The following TAF1A variants were observed in gnomAD, a reference collection of about 807,000 sequenced individuals.
The protein encoded by TAF1A is TATA box-binding protein-associated factor RNA polymerase I subunit A.
Under a neutral mutation model 61.6 loss-of-function variants are expected in TAF1A, and 42 were observed. That is an observed-to-expected ratio of 0.68 (90% CI 0.53 to 0.88). The LOEUF (loss-of-function observed/expected upper bound fraction) is 0.88. TAF1A is among the 40% of genes least tolerant of loss of function. TAF1A has a pLI of 0.00. For missense variants in TAF1A, 424 were observed against 518.7 expected (o/e 0.82, Z 1.77); for synonymous variants, 179 against 177.7 (o/e 1.01, Z -0.06).
rs759223232 is a variant in TAF1A, at chr1:222,577,432, T to C, written c.604+13A>G. 4 of 1,611,732 alleles carry C rather than the reference T, an allele frequency of 2.5e-6. No homozygotes were observed. In the Admixed American group the frequency reaches 5.0e-5, roughly 20 times the overall value. On this transcript the variant is annotated intron_variant, in intron 5 of 10. Coordinates refer to ENST00000352967, the MANE Select transcript of TAF1A (RefSeq NM_005681.4). ...GTCTCATCATAAGAAAAAGTTTACC[T>C]GTATTCACTTACCAAGCTTTGACAA...
At chr1:222,561,332 G>A (rs1302287567) in intron 10 of TAF1A, 32 bp downstream of exon 10, 4 of 1,581,046 alleles carry the variant, frequency 2.5e-6, no homozygotes, top group South Asian at 1.2e-5. Flanking sequence ...AGCCAAAGCT[G>A]TGTCTAGATA....
At chr1:222,568,014 T>TTGTATATGAAC (rs1465549652) in intron 7 of TAF1A, among the ~76,000 whole-genome samples, 1 of 151,898 alleles carries the variant, frequency 6.6e-6, no homozygotes, top group African/African-American at 2.4e-5. Context: ...AGCCTACTGG[T>TTGTATATGAAC]TTTCAACAAA....
At position 222,561,244 on chromosome 1, in the gene TAF1A, T is replaced by G. The variant is rs78695942; in HGVS notation, c.1240+120A>C. ...GATTCACTCTTCCATTGAGCAGTTATGTCTTAAGCACCTAATATTTTTAGG... is the reference window on the plus strand; with the variant it reads ...GATTCACTCTTCCATTGAGCAGTTAGGTCTTAAGCACCTAATATTTTTAGG... On this transcript the variant is annotated intron_variant, in intron 10 of 10. Coordinates refer to ENST00000352967, the MANE Select transcript of TAF1A (RefSeq NM_005681.4). 854 of 964,798 alleles carry G rather than the reference T, an allele frequency of 8.9e-4. 5 individuals carry two copies. In the African/African-American group the frequency reaches 0.013, roughly 15 times the overall value. The allele number at this position is 964,798 out of a possible 1,614,324, so 59.8% of individuals were successfully genotyped here. A position where few individuals can be genotyped will look rare whatever the true frequency, so the allele number is the denominator to read the frequency against.
downstream of TAF1A, among the ~76,000 whole-genome samples, chr1:222,555,954 T>C (rs145753702): frequency 0.01 from 1,594 of 152,290 alleles, 11 homozygotes; most frequent in Admixed American, 0.019. Context: ...CAAGCAGTCC[T>C]GTCAGACTGT....
intron 5 of TAF1A, among the ~76,000 whole-genome samples, chr1:222,574,136 AG>A (rs1660473316): frequency 6.6e-6 from 1 of 152,168 alleles, no homozygotes; most frequent in South Asian, 2.1e-4. Context: ...GGGAGAGCAC[AG>A]GGTTTCTTTT....
chr1:222,577,736 A>T, intron 4 of TAF1A, 93 bp from the exon 5 acceptor site: 1 of 1,132,950 alleles, frequency 8.8e-7, no homozygotes, highest in Middle Eastern at 2.0e-4. Flanking sequence ...CTGGGCAAAG[A>T]CCTTGGTAGG....
intron 7 of TAF1A, among the ~76,000 whole-genome samples, chr1:222,565,798 G>T (rs143776167): frequency 1.3e-5 from 2 of 152,172 alleles, no homozygotes; most frequent in African/African-American, 4.8e-5. Context: ...GGAGGTGGAG[G>T]CTACAGGGAG....
intron 7 of TAF1A, 27 bp from the exon 8 acceptor site, chr1:222,564,152 T>G: frequency 7.2e-7 from 1 of 1,394,438 alleles, no homozygotes; most frequent in South Asian, 1.3e-5. Context: ...TCTTGTAATC[T>G]TTACATACTT....
intron 8 of TAF1A, 67 bp from the exon 9 acceptor site, chr1:222,563,363 T>A (rs1164663201): frequency 6.6e-6 from 10 of 1,508,494 alleles, no homozygotes; most frequent in Non-Finnish European, 8.1e-6. Flanking sequence ...AATTTACATG[T>A]ATACATTTTA....
chr1:222,589,674 C>T (rs1175879654), intron 1 of TAF1A, 53 bp downstream of exon 1: 1 of 174,984 alleles, frequency 5.7e-6, no homozygotes, highest in Non-Finnish European at 1.2e-5. Flanking sequence ...CTGACACACC[C>T]CTTCCCGTTC....
At chr1:222,555,716 T>A (rs934425099), downstream of TAF1A, among the ~76,000 whole-genome samples, 1 of 152,178 alleles carries the variant, frequency 6.6e-6, no homozygotes, top group Non-Finnish European at 1.5e-5. Flanking sequence ...TCATCACACA[T>A]ACATACACAA....
chr1:222,565,806 G>A (rs1459495763), intron 7 of TAF1A, among the ~76,000 whole-genome samples: 1 of 152,166 alleles, frequency 6.6e-6, no homozygotes, highest in Non-Finnish European at 1.5e-5. Flanking sequence ...AGGCTACAGG[G>A]AGCCTCACGT....
At chr1:222,555,393 AG>A (rs1659713842), downstream of TAF1A, among the ~76,000 whole-genome samples, 1 of 152,250 alleles carries the variant, frequency 6.6e-6, no homozygotes, top group Non-Finnish European at 1.5e-5. Flanking sequence ...GCCTTATAAA[AG>A]GAAGAAATCC....
At chr1:222,566,293 C>A (rs1660115310) in intron 7 of TAF1A, among the ~76,000 whole-genome samples, 1 of 152,156 alleles carries the variant, frequency 6.6e-6, no homozygotes, top group South Asian at 2.1e-4. Flanking sequence ...TTCACACCCA[C>A]TAGGATAGCG....
At position 222,559,985 on chromosome 1, in the gene TAF1A, G is replaced by A. The variant is rs555863693; in HGVS notation, c.1241-1213C>T. 1.6e-4 allele frequency among the ~76,000 whole-genome samples: 24 copies of A among 152,128 alleles called. No individual in the cohort carries two copies. In the East Asian group the frequency reaches 4.4e-3, roughly 28 times the overall value. Reference sequence around the variant, plus strand: ...AGAATTTCGTTCCCACCCTAACATAGAGAAAAAGCTTAATAAACTAACTCT... The same window carrying A: ...AGAATTTCGTTCCCACCCTAACATAAAGAAAAAGCTTAATAAACTAACTCT... On this transcript the variant is annotated intron_variant, in intron 10 of 10. Coordinates refer to ENST00000352967, the MANE Select transcript of TAF1A (RefSeq NM_005681.4).
At chr1:222,579,718 A>T in intron 4 of TAF1A, 41 bp downstream of exon 4, 1 of 1,579,504 alleles carries the variant, frequency 6.3e-7, no homozygotes, top group Non-Finnish European at 8.5e-7. Context: ...GAAAAAAAAA[A>T]GAATACTGCA....
rs745732212 is a variant in TAF1A, at chr1:222,579,758, C to T, written c.405+1G>A. ...TAAATTCACAAAGCCCATATTCTCACCTTTAAATAATTCATGACGCCAATA... is the reference window on the plus strand; with the variant it reads ...TAAATTCACAAAGCCCATATTCTCATCTTTAAATAATTCATGACGCCAATA... On this transcript the variant is annotated splice_donor_variant, in intron 4 of 10. Transcript: ENST00000352967. LOFTEE classifies it high-confidence loss of function. 4 of 1,607,300 alleles carry T rather than the reference C, an allele frequency of 2.5e-6. No individual in the cohort carries two copies. Among genetic ancestry groups the T allele is most frequent in the African/African-American group, 1.3e-5 (1 of 74,482 alleles).
At position 222,584,052 on chromosome 1, in the gene TAF1A, GC is replaced by G. The variant is rs1421361382; in HGVS notation, c.291+75del. The G allele has an allele frequency of 6.7e-6, 10 of 1,499,484 alleles. No homozygotes were observed. The Admixed American group carries it at 2.2e-4, about 33-fold the overall frequency. 92.9% of individuals were successfully genotyped at this position (1,499,484 alleles called of 1,614,324 possible). A position where few individuals can be genotyped will look rare whatever the true frequency, so the allele number is the denominator to read the frequency against. On this transcript the variant is annotated intron_variant, in intron 3 of 10. Transcript: ENST00000352967. Reference sequence around the variant, plus strand: ...GCAAAATCACTGAGATTCTGTAAAAGCTACTGTAGGTGAAGCTGTAGGCATA... The same window carrying G: ...GCAAAATCACTGAGATTCTGTAAAAGTACTGTAGGTGAAGCTGTAGGCATA...
chr1:222,559,823 G>A (rs1034548277), intron 10 of TAF1A, among the ~76,000 whole-genome samples: 11 of 151,932 alleles, frequency 7.2e-5, no homozygotes, highest in African/African-American at 2.2e-4. Context: ...AGCTAGTAAC[G>A]TTTTACTAGC....
Sources: gnomAD v4.1 joint callset for allele counts (sites outside exome capture counted in the v4.1 genomes callset) on GRCh38, gnomAD v4.1.1 for gene constraint, MANE v1.5 for transcripts, NCBI Gene and HGNC (gene_info 2026-07-23, HGNC 2026-07-21) for gene names.